The following SLC35F4 variants were observed in gnomAD, a reference collection of about 807,000 sequenced individuals.
The protein encoded by SLC35F4 is chromosome 14 open reading frame 36.
Under a neutral mutation model 44.2 loss-of-function variants are expected in SLC35F4, and 24 were observed. The observed-to-expected ratio is 0.54, with a 90% CI of 0.39 to 0.76. SLC35F4 has a LOEUF of 0.76. Ranked by LOEUF, SLC35F4 falls within the 30% of genes least tolerant of loss-of-function variation. SLC35F4 has a pLI of 0.00. For synonymous variants in SLC35F4, 238 were observed against 223.6 expected, an observed-to-expected ratio of 1.06 and a Z score of -0.57; for missense variants, 562 against 586.1, an observed-to-expected ratio of 0.96 and a Z score of 0.42.
At chr14:57,960,565 CA>C (rs1485739838) in intron 1 of SLC35F4, among the ~76,000 whole-genome samples, 2 of 152,198 alleles carry the variant, frequency 1.3e-5, no homozygotes, top group African/African-American at 4.8e-5. Context: ...AAGCAATGAA[CA>C]CAAACATAAT....
intron 1 of SLC35F4, among the ~76,000 whole-genome samples, chr14:57,805,540 G>A (rs1881211049): frequency 6.6e-6 from 1 of 152,164 alleles, no homozygotes; most frequent in Non-Finnish European, 1.5e-5. Flanking sequence ...AACACCCCAT[G>A]TTCTTACTTG....
intron 1 of SLC35F4, chr14:57,597,031 A>G (rs948638612): frequency 9.0e-6 from 4 of 443,718 alleles, no homozygotes; most frequent in South Asian, 2.0e-5. Context: ...CCCATCCTCT[A>G]TGGTCTTGTA....
chr14:57,872,422 C>T (rs1375218157), intron 1 of SLC35F4, among the ~76,000 whole-genome samples: 1 of 151,852 alleles, frequency 6.6e-6, no homozygotes, highest in Non-Finnish European at 1.5e-5. Flanking sequence ...CTAAAAAGAT[C>T]GCACCAAATA....
chr14:57,896,773 A>C (rs190870885), intron 1 of SLC35F4, among the ~76,000 whole-genome samples: 51 of 152,318 alleles, frequency 3.3e-4, no homozygotes, highest in African/African-American at 1.2e-3. Flanking sequence ...GAATATAGTA[A>C]AACTCAACAA....
At chr14:57,724,097 G>C (rs560446206) in intron 1 of SLC35F4, among the ~76,000 whole-genome samples, 2 of 152,296 alleles carry the variant, frequency 1.3e-5, no homozygotes, top group South Asian at 2.1e-4. Context: ...TTCCTCATCT[G>C]GGTGTGATAC....
intron 1 of SLC35F4, among the ~76,000 whole-genome samples, chr14:57,779,551 G>A (rs1321219726): frequency 6.6e-6 from 1 of 152,126 alleles, no homozygotes; most frequent in African/African-American, 2.4e-5. Flanking sequence ...CCAAAAACCT[G>A]AAGAGGAAGG....
intron 1 of SLC35F4, among the ~76,000 whole-genome samples, chr14:57,617,119 C>T (rs1052822637): frequency 1.7e-5 from 2 of 120,442 alleles, no homozygotes; most frequent in East Asian, 4.3e-4. Context: ...CTCAGCTTAA[C>T]TGTACTTATT....
intron 1 of SLC35F4, among the ~76,000 whole-genome samples, chr14:57,703,691 C>CT (rs1177924978): frequency 2.6e-5 from 4 of 152,202 alleles, no homozygotes; most frequent in African/African-American, 9.6e-5. Context: ...TTCTCATACT[C>CT]TTTTGACTTA....
chr14:57,860,175 G>A (rs892352940), intron 1 of SLC35F4, among the ~76,000 whole-genome samples: 9 of 152,098 alleles, frequency 5.9e-5, no homozygotes, highest in African/African-American at 1.9e-4. Flanking sequence ...GCCAGAAGCG[G>A]GTAGAGTTCT....
At chr14:57,870,874 C>A (rs909003091), upstream of SLC35F4, among the ~76,000 whole-genome samples, 34 of 152,326 alleles carry the variant, frequency 2.2e-4, no homozygotes, top group African/African-American at 7.9e-4. Flanking sequence ...GTAATGATCA[C>A]GTGAGGCAGA....
intron 1 of SLC35F4, among the ~76,000 whole-genome samples, chr14:57,858,906 C>G (rs1205128505): frequency 6.7e-6 from 1 of 149,102 alleles, no homozygotes; most frequent in African/African-American, 2.5e-5. Context: ...TGAGACCAGC[C>G]TGGGCAACAT....
chr14:57,896,636 G>C (rs1265814268), intron 1 of SLC35F4, among the ~76,000 whole-genome samples: 1 of 152,124 alleles, frequency 6.6e-6, no homozygotes, highest in Non-Finnish European at 1.5e-5. Context: ...AATATTGTTG[G>C]TGGGCTGGCC....
chr14:57,849,256 G>T (rs1886324844), intron 1 of SLC35F4, among the ~76,000 whole-genome samples: 4 of 152,184 alleles, frequency 2.6e-5, no homozygotes, highest in Admixed American at 2.6e-4. Flanking sequence ...CCGCCTCCTG[G>T]GTTCAAGCGA....
chr14:57,762,890 A>C (rs1417704169), intron 1 of SLC35F4, among the ~76,000 whole-genome samples: 1 of 152,176 alleles, frequency 6.6e-6, no homozygotes, highest in Non-Finnish European at 1.5e-5. Context: ...CAAAAAAAGG[A>C]CTAAGAAACA....
intron 7 of SLC35F4, among the ~76,000 whole-genome samples, chr14:57,564,878 T>C (rs567210262): frequency 7.2e-5 from 11 of 152,276 alleles, no homozygotes; most frequent in Admixed American, 2.6e-4. Flanking sequence ...TAAAAGCCCA[T>C]ACCCATTAAC....
At chr14:57,718,861 C>T (rs1320666448) in intron 1 of SLC35F4, among the ~76,000 whole-genome samples, 11 of 152,060 alleles carry the variant, frequency 7.2e-5, no homozygotes, top group Admixed American at 7.2e-4. Context: ...TCCCATTTGT[C>T]TATTTTTGCT....
At chr14:57,811,343 C>T (rs185985809) in intron 1 of SLC35F4, among the ~76,000 whole-genome samples, 3 of 152,080 alleles carry the variant, frequency 2.0e-5, no homozygotes, top group African/African-American at 7.2e-5. Context: ...TCAATTGTCT[C>T]GGCTCTAGAA....
chr14:57,574,285 T>G (rs1043354899), intron 4 of SLC35F4, among the ~76,000 whole-genome samples: 1 of 152,196 alleles, frequency 6.6e-6, no homozygotes, highest in African/African-American at 2.4e-5. Flanking sequence ...ATTATAACCA[T>G]AGTGAGCCTC....
At chr14:57,859,165 A>C (rs1009955935) in intron 1 of SLC35F4, among the ~76,000 whole-genome samples, 1 of 152,116 alleles carries the variant, frequency 6.6e-6, no homozygotes. Context: ...ACAGAGCAAG[A>C]GAAATAAAAG....
Sources: allele counts gnomAD v4.1 joint callset (sites outside exome capture counted in the v4.1 genomes callset), GRCh38; gene constraint gnomAD v4.1.1; transcripts MANE v1.5; gene names NCBI Gene and HGNC (gene_info 2026-07-23, HGNC 2026-07-21).